The following BBOF1 variants were observed in gnomAD, a reference collection of about 807,000 sequenced individuals.
BBOF1 encodes the protein basal body orientation factor 1.
BBOF1 carries 62 observed loss-of-function variants against 68.0 expected under a neutral mutation model. The observed-to-expected ratio is 0.91, with a 90% CI of 0.74 to 1.13. BBOF1 has a LOEUF of 1.13. Among genes scored for constraint, BBOF1 ranks in the 50% most tolerant of loss-of-function variants. The pLI is 0.00. For synonymous variants in BBOF1, 208 were observed against 198.8 expected, an observed-to-expected ratio of 1.05 and a Z score of -0.39; for missense variants, 534 against 600.1, an observed-to-expected ratio of 0.89 and a Z score of 1.15.
At chr14:74,049,566 G>A in intron 7 of BBOF1, 136 bp from the exon 8 acceptor site, 1 of 719,280 alleles carries the variant, frequency 1.4e-6, no homozygotes, top group South Asian at 2.2e-5. Flanking sequence ...GGAGCCTGAG[G>A]TAGGAGAATT....
chr14:74,037,672 G>A (rs566667498), intron 4 of BBOF1, among the ~76,000 whole-genome samples: 8 of 151,400 alleles, frequency 5.3e-5, no homozygotes, highest in Non-Finnish European at 8.8e-5. Context: ...AATAATTTTC[G>A]GCCAGGCATG....
chr14:74,082,393 G>GTTTTTTTTT (rs869211328), intron 12 of BBOF1, among the ~76,000 whole-genome samples: 2 of 77,568 alleles, frequency 2.6e-5, no homozygotes, highest in African/African-American at 5.2e-5. Flanking sequence ...CAAAATCGAG[G>GTTTTTTTTT]TTTTTTTTTT....
At position 74,048,069 on chromosome 14, in the gene BBOF1, C is replaced by A; in HGVS notation, c.787C>A (p.Gln263Lys). The A allele has an allele frequency of 6.2e-7, 1 of 1,607,990 alleles. No individual in the cohort carries two copies. The highest frequency in any genetic ancestry group is 1.1e-5 in the South Asian group (1 of 89,068). ...LQESHTLLLH[Q>K]KEINDLLVKE... Reference sequence around the variant, plus strand: ...AGAGAGTCATACTTTACTTTTACATCAAAAGGTTCCCTCTCATTTAGACTT... The same window carrying A: ...AGAGAGTCATACTTTACTTTTACATAAAAAGGTTCCCTCTCATTTAGACTT... Residue 263 changes from glutamine (Q) to lysine (K), a missense_variant, in exon 7 of 12, where the codon CAA becomes AAA. Physicochemically the swap from Gln to Lys is moderately conservative, Grantham distance 53. Coordinates refer to ENST00000394009, the MANE Select transcript of BBOF1 (RefSeq NM_025057.3).
chr14:74,066,635 T>G, downstream of BBOF1: 1 of 1,404,170 alleles, frequency 7.1e-7, no homozygotes, highest in Admixed American at 1.7e-5. Context: ...ATTAATAAAT[T>G]AGAGGGATGA....
intron 5 of BBOF1, among the ~76,000 whole-genome samples, chr14:74,042,654 A>G (rs2059847971): frequency 6.6e-6 from 1 of 152,074 alleles, no homozygotes; most frequent in South Asian, 2.1e-4. Context: ...GACCAGAACC[A>G]TGTTATAAAG....
chr14:74,036,078 T>C (rs2059692192), intron 4 of BBOF1, among the ~76,000 whole-genome samples: 1 of 151,732 alleles, frequency 6.6e-6, no homozygotes, highest in South Asian at 2.1e-4. Context: ...TTTTTTGAGA[T>C]GGAGTGTTGC....
At chr14:74,048,651 T>A (rs1185521649) in intron 7 of BBOF1, 1 of 152,012 alleles carries the variant, frequency 6.6e-6, no homozygotes, top group East Asian at 1.9e-4. Context: ...TTAAGAGGTC[T>A]TTCTGGAAGT....
downstream of BBOF1, among the ~76,000 whole-genome samples, chr14:74,070,261 G>A (rs2060530318): frequency 6.6e-6 from 1 of 151,878 alleles, no homozygotes; most frequent in Non-Finnish European, 1.5e-5. Flanking sequence ...GCTCACACCT[G>A]TAATCCCAGC....
At chr14:74,060,795 T>G in intron 11 of BBOF1, 1 of 1,354,938 alleles carries the variant, frequency 7.4e-7, no homozygotes, top group African/African-American at 1.4e-5. Flanking sequence ...GGTTTCATGA[T>G]TCTTCTTTTA....
rs771260993 is a variant in BBOF1, at chr14:74,050,985, T to G, written c.1286+790T>G. 1.1e-3 allele frequency among the ~76,000 whole-genome samples: 165 copies of G among 152,162 alleles called. 1 individual carries two copies. Among genetic ancestry groups the G allele is most frequent in the Non-Finnish European group, 8.8e-4 (60 of 67,990 alleles). On this transcript the variant is annotated intron_variant, in intron 8 of 11. Coordinates refer to ENST00000394009, the MANE Select transcript of BBOF1 (RefSeq NM_025057.3). ...TAGGCTGGGTGTGGTGGCTCATACC[T>G]GTAATCCCAGCACTTTGGGAGGCCG...
At chr14:74,028,467 T>C (rs981056170) in intron 2 of BBOF1, among the ~76,000 whole-genome samples, 1 of 138,202 alleles carries the variant, frequency 7.2e-6, no homozygotes, top group South Asian at 2.4e-4. Context: ...ACTAAAGAAA[T>C]ACACACACAC....
chr14:74,022,541 A>T (rs73303129), intron 1 of BBOF1, among the ~76,000 whole-genome samples: 13,949 of 151,872 alleles, frequency 0.092, 809 homozygotes, highest in South Asian at 0.26. Context: ...AGCCAGGCCC[A>T]GTTTCAAAAA....
chr14:74,072,716 G>A (rs981264314), intron 9 of BBOF1: 3 of 1,263,470 alleles, frequency 2.4e-6, no homozygotes, highest in Non-Finnish European at 2.2e-6. Flanking sequence ...AAGAAAACAA[G>A]TTGATAACGG....
At chr14:74,041,251 C>T (rs1197407170) in intron 5 of BBOF1, among the ~76,000 whole-genome samples, 2 of 152,030 alleles carry the variant, frequency 1.3e-5, no homozygotes, top group African/African-American at 2.4e-5. Flanking sequence ...TGCAGTGAGG[C>T]GATATTGCAC....
intron 8 of BBOF1, among the ~76,000 whole-genome samples, chr14:74,050,737 T>G (rs1566813391): frequency 6.6e-6 from 1 of 152,164 alleles, no homozygotes; most frequent in Non-Finnish European, 1.5e-5. Context: ...AAATATTTTG[T>G]ACCGTTTACT....
chr14:74,049,966 C>A lies in BBOF1; in HGVS notation c.1057C>A (p.Leu353Met), dbSNP rs2060030958. Residue 353 changes from leucine (L) to methionine (M), a missense_variant, in exon 8 of 12, where the codon CTG becomes ATG. Transcript: ENST00000394009. ...NRVKKLAKNI[L>M]DERTEVERFF... ...TGTGAAGAAGCTGGCCAAGAACATA[C>A]TGGATGAGAGAACAGAAGTGGAAAG... 1 of 1,614,042 alleles carries A rather than the reference C, an allele frequency of 6.2e-7. No individual in the cohort carries two copies. The highest frequency in any genetic ancestry group is 1.3e-5 in the African/African-American group (1 of 74,926).
At chr14:74,057,359 T>G in intron 11 of BBOF1, 101 bp downstream of exon 11, 1 of 1,577,720 alleles carries the variant, frequency 6.3e-7, no homozygotes, top group Non-Finnish European at 8.6e-7. Context: ...GTTGAGAGAC[T>G]TCAGGGATCA....
At chr14:74,019,715 T>C (rs1355733311) in intron 1 of BBOF1, among the ~76,000 whole-genome samples, 181 bp downstream of exon 1, 1 of 152,258 alleles carries the variant, frequency 6.6e-6, no homozygotes, top group Non-Finnish European at 1.5e-5. Context: ...GTGTTCAGAT[T>C]ATCTTAAACG....
intron 5 of BBOF1, 60 bp downstream of exon 5, chr14:74,040,705 A>G: frequency 1.0e-6 from 1 of 982,020 alleles, no homozygotes; most frequent in Non-Finnish European, 1.5e-6. Context: ...GTGTATTTAT[A>G]TGCATTCTGA....
Sources: allele counts gnomAD v4.1 joint callset (sites outside exome capture counted in the v4.1 genomes callset), GRCh38; gene constraint gnomAD v4.1.1; transcripts MANE v1.5; gene names NCBI Gene and HGNC (gene_info 2026-07-23, HGNC 2026-07-21).